Variants in FUT8 observed in about 807,000 individuals in gnomAD.
FUT8 encodes alpha-(1,6)-fucosyltransferase.
A neutral mutation model predicts 71.3 loss-of-function variants in FUT8; 29 were observed. That is an observed-to-expected ratio of 0.41 (90% CI 0.30 to 0.55). The LOEUF (loss-of-function observed/expected upper bound fraction) is 0.55, where lower values mean the gene tolerates loss of function less well. FUT8 is among the 20% of genes least tolerant of loss of function. The pLI is 0.34. For synonymous variants in FUT8, 254 were observed against 239.3 expected, an observed-to-expected ratio of 1.06 and a Z score of -0.57; for missense variants, 544 against 702.1, an observed-to-expected ratio of 0.77 and a Z score of 2.55.
chr14:65,547,054 T>C (rs970394721), intron 2 of FUT8, among the ~76,000 whole-genome samples: 3 of 151,744 alleles, frequency 2.0e-5, no homozygotes, highest in African/African-American at 7.2e-5. Flanking sequence ...TTTTGTAGTA[T>C]CTCTAGTAAT....
intron 2 of FUT8, among the ~76,000 whole-genome samples, chr14:65,530,445 T>A (rs1883866401): frequency 6.6e-6 from 1 of 152,194 alleles, no homozygotes; most frequent in Non-Finnish European, 1.5e-5. Context: ...TACTGCTGCA[T>A]GGGTGAAGGT....
At chr14:65,738,651 A>G (rs912593049) in intron 10 of FUT8, among the ~76,000 whole-genome samples, 6 of 152,038 alleles carry the variant, frequency 3.9e-5, no homozygotes, top group Non-Finnish European at 7.4e-5. Context: ...GCAAGCCTTC[A>G]TTTACCTGCC....
intron 2 of FUT8, among the ~76,000 whole-genome samples, chr14:65,458,648 A>C (rs2065929095): frequency 1.3e-5 from 2 of 152,306 alleles, no homozygotes; most frequent in South Asian, 4.1e-4. Flanking sequence ...CTGCAACTTT[A>C]AATTGTTTTC....
intron 6 of FUT8, among the ~76,000 whole-genome samples, chr14:65,636,950 G>A (rs1313337450): frequency 1.3e-5 from 2 of 152,178 alleles, no homozygotes; most frequent in Admixed American, 6.5e-5. Flanking sequence ...TAATAGACAA[G>A]TATGCTATCA....
intron 2 of FUT8, among the ~76,000 whole-genome samples, chr14:65,504,629 T>C (rs979986013): frequency 1.3e-5 from 2 of 152,214 alleles, no homozygotes; most frequent in African/African-American, 4.8e-5. Context: ...CTTTCCATAG[T>C]GTCTCCTCAC....
chr14:65,666,197 A>C (rs1566884014), intron 6 of FUT8, among the ~76,000 whole-genome samples: 1 of 152,202 alleles, frequency 6.6e-6, no homozygotes, highest in Non-Finnish European at 1.5e-5. Flanking sequence ...TTTTCACTGC[A>C]ATCTCCTTAA....
At chr14:65,391,547 G>A in the FUT8 span, among the ~76,000 whole-genome samples, 2 of 152,100 alleles carry the variant, frequency 1.3e-5, no homozygotes, top group Non-Finnish European at 2.9e-5. Context: ...GGAGAGACGG[G>A]GTTTCACCAT....
chr14:65,408,122 A>T (rs2065094325), upstream of FUT8, among the ~76,000 whole-genome samples: 1 of 152,210 alleles, frequency 6.6e-6, no homozygotes, highest in South Asian at 2.1e-4. Flanking sequence ...TCAGTGGCTT[A>T]AACTACAAAG....
At chr14:65,444,300 C>G (rs2065705574) in intron 1 of FUT8, among the ~76,000 whole-genome samples, 1 of 152,164 alleles carries the variant, frequency 6.6e-6, no homozygotes, top group South Asian at 2.1e-4. Flanking sequence ...CAAACCTAGA[C>G]AATAGCAAGC....
chr14:65,408,155 A>G (rs1212502124), upstream of FUT8, among the ~76,000 whole-genome samples: 1 of 152,212 alleles, frequency 6.6e-6, no homozygotes, highest in Non-Finnish European at 1.5e-5. Context: ...TTAAAACCAG[A>G]TGAAAATGGG....
At chr14:65,691,929 G>C (rs1364435261) in intron 7 of FUT8, among the ~76,000 whole-genome samples, 1 of 152,200 alleles carries the variant, frequency 6.6e-6, no homozygotes, top group Non-Finnish European at 1.5e-5. Context: ...TAAGGTCATA[G>C]ATCAACAGGA....
chr14:65,738,432 A>G (rs770005768), intron 10 of FUT8, among the ~76,000 whole-genome samples: 9 of 152,076 alleles, frequency 5.9e-5, no homozygotes, highest in Non-Finnish European at 8.8e-5. Flanking sequence ...AATTTTTTTT[A>G]ATACAGTCAT....
chr14:65,523,106 G>A (rs1332107615), intron 2 of FUT8, among the ~76,000 whole-genome samples: 2 of 152,268 alleles, frequency 1.3e-5, no homozygotes, highest in African/African-American at 2.4e-5. Context: ...GGATGGCTGG[G>A]TCAAATGGTA....
chr14:65,535,663 G>A (rs536852610), intron 2 of FUT8, among the ~76,000 whole-genome samples: 4 of 152,182 alleles, frequency 2.6e-5, no homozygotes, highest in East Asian at 3.9e-4. Context: ...TATGATTTCC[G>A]CTCTTTTGCA....
chr14:65,411,775 G>A (rs1393434069), upstream of FUT8: 1 of 333,972 alleles, frequency 3.0e-6, no homozygotes, highest in Non-Finnish European at 5.8e-6. Flanking sequence ...GGAACGGGAA[G>A]CTCATCTTCC....
At chr14:65,441,769 A>T (rs2065660461) in intron 1 of FUT8, among the ~76,000 whole-genome samples, 1 of 151,458 alleles carries the variant, frequency 6.6e-6, no homozygotes, top group Non-Finnish European at 1.5e-5. Flanking sequence ...AAAAAAAAAA[A>T]AAAAAAAAAT....
intron 1 of FUT8, among the ~76,000 whole-genome samples, chr14:65,421,057 G>C (rs1047541196): frequency 3.3e-5 from 5 of 152,076 alleles, no homozygotes; most frequent in African/African-American, 1.2e-4. Flanking sequence ...GCTGGGCGTG[G>C]TTGCATGTGC....
chr14:65,726,215 A>T (rs891062949), intron 9 of FUT8, among the ~76,000 whole-genome samples: 1 of 152,266 alleles, frequency 6.6e-6, no homozygotes, highest in Non-Finnish European at 1.5e-5. Context: ...AAAAGATACT[A>T]ATTTTGTCTA....
intron 2 of FUT8, among the ~76,000 whole-genome samples, chr14:65,509,277 G>A (rs547514044): frequency 4.0e-5 from 6 of 151,850 alleles, no homozygotes; most frequent in Admixed American, 3.3e-4. Context: ...CTATTGTTCT[G>A]TGTGCCTGTT....
Sources: gnomAD v4.1 joint callset for allele counts (sites outside exome capture counted in the v4.1 genomes callset) on GRCh38, gnomAD v4.1.1 for gene constraint, MANE v1.5 for transcripts, NCBI Gene and HGNC (gene_info 2026-07-23, HGNC 2026-07-21) for gene names.